Variants in MGMT observed in about 807,000 individuals in gnomAD.
MGMT encodes methylated-DNA--protein-cysteine methyltransferase.
A neutral mutation model predicts 15.9 loss-of-function variants in MGMT; 14 were observed. That is an observed-to-expected ratio of 0.88 (90% CI 0.58 to 1.37). MGMT has a LOEUF of 1.37. MGMT is among the 40% of genes most tolerant of loss of function. The pLI, the probability that MGMT is intolerant of heterozygous loss-of-function variation, is 0.00. For synonymous variants in MGMT, 130 were observed against 118.2 expected (o/e 1.10, Z -0.65); for missense variants, 282 against 268.1 (o/e 1.05, Z -0.36).
At position 129,740,256 on chromosome 10, in the gene MGMT, A is replaced by G. The variant is rs1589969680; in HGVS notation, c.275-18946A>G. On this transcript the variant is annotated intron_variant, in intron 3 of 4. Coordinates refer to ENST00000651593, the MANE Select transcript of MGMT (RefSeq NM_002412.5). ...TCAGCCCCCTTGCCCTGCCTGGAGT[A>G]TATCACATGGGCCCTGGGTGCCTGG... is the stretch of plus-strand genomic sequence containing the variant. 2.0e-5 allele frequency among the ~76,000 whole-genome samples: 3 copies of G among 152,234 alleles called. 1 individual carries two copies. The highest frequency in any genetic ancestry group is 6.8e-3 in the Middle Eastern group (2 of 294).
rs1406399446 is a variant in MGMT at position 129,769,614 on chromosome 10, T to C, written c.*2617T>C. Among the ~76,000 whole-genome samples the C allele has an allele frequency of 6.6e-6, 1 of 151,842 alleles. No homozygotes were observed. The highest frequency in any genetic ancestry group is 1.5e-5 in the Non-Finnish European group (1 of 68,004). On this transcript the variant is annotated 3_prime_UTR_variant, in exon 5 of 5. Transcript: ENST00000651593. ...AGAGAGATGAGAGAGTCAGAAGTAA[T>C]ACTTGTTTTTGCAGAACCACACTTG...
chr10:129,642,439 CA>C (rs1043246674), intron 2 of MGMT, among the ~76,000 whole-genome samples: 28 of 145,470 alleles, frequency 1.9e-4, no homozygotes, highest in Middle Eastern at 3.6e-3. Context: ...TGAATTTTTC[CA>C]AAAAAAAAAT....
At chr10:129,591,706 T>C (rs187894954) in intron 2 of MGMT, among the ~76,000 whole-genome samples, 5,906 of 152,136 alleles carry the variant, frequency 0.039, 149 homozygotes, top group South Asian at 0.065. Flanking sequence ...CCGAGGTGGG[T>C]GGATCACAAG....
At chr10:129,552,900 A>C (rs1264144813) in intron 2 of MGMT, among the ~76,000 whole-genome samples, 1 of 152,196 alleles carries the variant, frequency 6.6e-6, no homozygotes, top group African/African-American at 2.4e-5. Flanking sequence ...AATGTATGTA[A>C]AAATATTAAA....
chr10:129,596,211 T>G (rs539258067), intron 2 of MGMT, among the ~76,000 whole-genome samples: 55 of 152,014 alleles, frequency 3.6e-4, no homozygotes, highest in African/African-American at 1.3e-3. Flanking sequence ...TGTCATGGAG[T>G]GGTGACATAA....
At chr10:129,469,501 C>T (rs921228128) in intron 1 of MGMT, among the ~76,000 whole-genome samples, 1 of 152,162 alleles carries the variant, frequency 6.6e-6, no homozygotes, top group African/African-American at 2.4e-5. Context: ...AGTTCCATGT[C>T]CAGATCCACT....
At chr10:129,507,249 A>G (rs1369626673) in intron 1 of MGMT, among the ~76,000 whole-genome samples, 1 of 152,160 alleles carries the variant, frequency 6.6e-6, no homozygotes, top group East Asian at 1.9e-4. Context: ...CAGTCTCTGC[A>G]TTTATCCCAT....
At chr10:129,716,954 A>G (rs887513057) in intron 3 of MGMT, among the ~76,000 whole-genome samples, 1 of 152,236 alleles carries the variant, frequency 6.6e-6, no homozygotes, top group African/African-American at 2.4e-5. Context: ...ACTAAGAAAA[A>G]AGGCCGCATT....
chr10:129,580,347 G>GA (rs1216326363), intron 2 of MGMT, among the ~76,000 whole-genome samples: 1 of 152,172 alleles, frequency 6.6e-6, no homozygotes, highest in Non-Finnish European at 1.5e-5. Context: ...CAAAAACCTT[G>GA]AGGGATAGGC....
chr10:129,620,554 G>T (rs1010664660), intron 2 of MGMT, among the ~76,000 whole-genome samples: 2 of 152,142 alleles, frequency 1.3e-5, no homozygotes, highest in African/African-American at 4.8e-5. Context: ...TCCTCCTGAT[G>T]TGCTGGCTCC....
chr10:129,550,765 G>GT (rs1335105440), intron 2 of MGMT, among the ~76,000 whole-genome samples: 1 of 152,122 alleles, frequency 6.6e-6, no homozygotes, highest in Non-Finnish European at 1.5e-5. Flanking sequence ...GAACTTTTCT[G>GT]TCTTGCAGAA....
intron 2 of MGMT, among the ~76,000 whole-genome samples, chr10:129,678,517 G>A (rs776872748): frequency 5.5e-4 from 83 of 152,258 alleles, no homozygotes; most frequent in Non-Finnish European, 1.1e-3. Flanking sequence ...ATCACCTCCA[G>A]TTACCTCAGG....
At chr10:129,667,272 A>G (rs749440814) in intron 2 of MGMT, among the ~76,000 whole-genome samples, 9 of 152,028 alleles carry the variant, frequency 5.9e-5, no homozygotes, top group South Asian at 2.1e-4. Flanking sequence ...TTGGTAATCA[A>G]TTTCTGGTTT....
intron 3 of MGMT, among the ~76,000 whole-genome samples, chr10:129,729,523 A>G (rs992401085): frequency 6.6e-6 from 1 of 152,102 alleles, no homozygotes; most frequent in Admixed American, 6.5e-5. Context: ...GGATTCCATC[A>G]CTCAAAATCC....
intron 2 of MGMT, among the ~76,000 whole-genome samples, chr10:129,598,103 G>A (rs1011955385): frequency 4.6e-5 from 7 of 152,160 alleles, no homozygotes; most frequent in African/African-American, 7.2e-5. Context: ...TGCCAGCCAC[G>A]TTCTAGGCAC....
intron 2 of MGMT, among the ~76,000 whole-genome samples, chr10:129,681,522 AC>A (rs1847852557): frequency 6.6e-6 from 1 of 152,206 alleles, no homozygotes; most frequent in Admixed American, 6.5e-5. Context: ...CTGTTCCTAA[AC>A]TTTTGCTCTG....
intron 2 of MGMT, among the ~76,000 whole-genome samples, chr10:129,672,208 T>C (rs1056814541): frequency 6.6e-6 from 1 of 152,226 alleles, no homozygotes; most frequent in African/African-American, 2.4e-5. Flanking sequence ...CCAGTTATTT[T>C]ATTCAGAATC....
intron 2 of MGMT, among the ~76,000 whole-genome samples, chr10:129,638,448 A>AAAAAAAAAAAAAAAAAAAAAAAAAC (rs1564744665): frequency 1.3e-5 from 2 of 148,590 alleles, no homozygotes; most frequent in Non-Finnish European, 1.5e-5. Flanking sequence ...AAAAAAAAGA[A>AAAAAAAAAAAAAAAAAAAAAAAAAC]AAAAAAAAGA....
At chr10:129,733,355 A>G (rs61874351) in intron 3 of MGMT, among the ~76,000 whole-genome samples, 2 of 151,994 alleles carry the variant, frequency 1.3e-5, no homozygotes, top group African/African-American at 2.4e-5. Flanking sequence ...ATAAATGTCT[A>G]CTTTTGAGAA....
Sources: gnomAD v4.1 joint callset for allele counts (sites outside exome capture counted in the v4.1 genomes callset) on GRCh38, gnomAD v4.1.1 for gene constraint, MANE v1.5 for transcripts, NCBI Gene and HGNC (gene_info 2026-07-23, HGNC 2026-07-21) for gene names.